MCC: variants seen among roughly 807,000 people sequenced by gnomAD.
The protein encoded by MCC is MCC regulator of Wnt signaling pathway, also known as colorectal mutant cancer protein.
In MCC, 90 loss-of-function variants were observed where a neutral mutation model predicts 116.2. That is an observed-to-expected ratio of 0.77 (90% CI 0.65 to 0.92). The LOEUF is 0.92. Among genes scored for constraint, MCC ranks in the 40% least tolerant of loss-of-function variants. MCC has a pLI of 0.00. For synonymous variants in MCC, 578 were observed against 510.5 expected (o/e 1.13, Z -1.78); for missense variants, 1,516 against 1,312.2 (o/e 1.16, Z -2.40).
intron 3 of MCC, among the ~76,000 whole-genome samples, chr5:113,304,266 T>A (rs988684173): frequency 2.0e-5 from 3 of 152,188 alleles, no homozygotes; most frequent in Non-Finnish European, 4.4e-5. Flanking sequence ...ATGCAGTAGG[T>A]AATTTGGTTA....
intron 17 of MCC, among the ~76,000 whole-genome samples, chr5:113,034,773 G>T (rs1438129681): frequency 6.6e-6 from 1 of 152,224 alleles, no homozygotes; most frequent in Non-Finnish European, 1.5e-5. Context: ...CCAAGTTGTT[G>T]CATCCAGCGG....
intron 3 of MCC, among the ~76,000 whole-genome samples, chr5:113,269,500 G>C (rs562932319): frequency 2.6e-5 from 4 of 152,280 alleles, no homozygotes; most frequent in Non-Finnish European, 4.4e-5. Flanking sequence ...TTCTAAATCT[G>C]ATTAATGTTA....
intron 3 of MCC, among the ~76,000 whole-genome samples, chr5:113,248,532 G>A (rs1349061009): frequency 6.6e-6 from 1 of 152,094 alleles, no homozygotes; most frequent in African/African-American, 2.4e-5. Flanking sequence ...TCTGGCCCCA[G>A]GCATTTTAGA....
intron 2 of MCC, among the ~76,000 whole-genome samples, chr5:113,373,642 C>T (rs1345923351): frequency 1.3e-5 from 2 of 152,144 alleles, no homozygotes; most frequent in Non-Finnish European, 2.9e-5. Context: ...GACGTGACCT[C>T]TCAAGATAAA....
chr5:113,486,330 G>T (rs1476935170), intron 1 of MCC, among the ~76,000 whole-genome samples: 2 of 152,154 alleles, frequency 1.3e-5, no homozygotes, highest in African/African-American at 4.8e-5. Context: ...GCCCCAGCCA[G>T]TTTCTACTCT....
At chr5:113,289,981 G>A (rs1766420242) in intron 3 of MCC, among the ~76,000 whole-genome samples, 1 of 152,180 alleles carries the variant, frequency 6.6e-6, no homozygotes, top group Admixed American at 6.5e-5. Context: ...AAGGGTGTGT[G>A]AATACTAGGT....
chr5:113,233,405 G>C (rs1422652269), intron 3 of MCC, among the ~76,000 whole-genome samples: 1 of 152,126 alleles, frequency 6.6e-6, no homozygotes, highest in African/African-American at 2.4e-5. Context: ...TAGAATGCAT[G>C]AATTTAAGAA....
Position 113,340,551 on chromosome 5 carries a change from C to G in MCC, c.595G>C (p.Val199Leu). Residue 199 changes from valine to leucine, a missense_variant, in exon 3 of 19, where the codon GTA becomes CTA. Transcript: ENST00000408903. ...LTQSPHIGNS[V>L]GGSYLELANT... ...GCCAGCTCTAGATAGCTTCCTCCTA[C>G]AGAGTTGCCAATGTGCGGGGACTGT... The G allele has an allele frequency of 6.2e-7, 1 of 1,614,132 alleles. No individual in the cohort carries two copies.
At chr5:113,115,703 C>T (rs1757355263) in intron 6 of MCC, among the ~76,000 whole-genome samples, 1 of 151,784 alleles carries the variant, frequency 6.6e-6, no homozygotes, top group South Asian at 2.1e-4. Flanking sequence ...AACTTTTCTG[C>T]CAGAAAAGTT....
chr5:113,286,580 G>C (rs768110704), intron 3 of MCC, among the ~76,000 whole-genome samples: 1 of 152,192 alleles, frequency 6.6e-6, no homozygotes, highest in African/African-American at 2.4e-5. Context: ...CAAGGGATCT[G>C]CTCAAAATAT....
intron 8 of MCC, among the ~76,000 whole-genome samples, chr5:113,091,570 T>C (rs544557108): frequency 6.6e-6 from 1 of 152,112 alleles, no homozygotes; most frequent in Non-Finnish European, 1.5e-5. Flanking sequence ...GAAACAAAAA[T>C]AGACACCAAA....
chr5:113,109,168 A>G (rs761654415), intron 6 of MCC, among the ~76,000 whole-genome samples: 1 of 152,192 alleles, frequency 6.6e-6, no homozygotes, highest in Non-Finnish European at 1.5e-5. Flanking sequence ...TGGTAATTCT[A>G]TGTTTAACAA....
At chr5:113,126,291 G>C (rs76259640) in intron 5 of MCC, among the ~76,000 whole-genome samples, 8,304 of 152,202 alleles carry the variant, frequency 0.055, 502 homozygotes, top group African/African-American at 0.15. Context: ...CAGGCTGGCA[G>C]ACTGGAAGGG....
In MCC at chr5:113,327,561, A is replaced by AT. The variant is rs1554076392; in HGVS notation, c.627+12957_627+12958insA. ...ACTCAGTCTCAAAAAAAAAAAAAAA[A>AT]ATATATATATATATATATATATATA... On this transcript the variant is annotated intron_variant, in intron 3 of 18. Transcript: ENST00000408903. Among the ~76,000 whole-genome samples the AT allele has an allele frequency of 7.1e-3, 571 of 80,450 alleles. 5 individuals carry two copies. The highest frequency in any genetic ancestry group is 0.03 in the East Asian group (104 of 3,462). The allele number at this position is 80,450 out of a possible 152,430, so 52.8% of individuals were successfully genotyped here. A position where few individuals can be genotyped will look rare whatever the true frequency, so the allele number is the denominator to read the frequency against.
chr5:113,431,091 T>C (rs1312769797), intron 1 of MCC, among the ~76,000 whole-genome samples: 2 of 151,802 alleles, frequency 1.3e-5, no homozygotes, highest in Non-Finnish European at 2.9e-5. Flanking sequence ...GGAAGTGAGA[T>C]TATCTGCTGA....
At chr5:113,133,291 C>T (rs1158475664) in intron 5 of MCC, among the ~76,000 whole-genome samples, 1 of 152,146 alleles carries the variant, frequency 6.6e-6, no homozygotes, top group Non-Finnish European at 1.5e-5. Context: ...ATCCCCCTCT[C>T]CTCCCTACCC....
At chr5:113,112,739 C>T (rs1757171581) in intron 6 of MCC, among the ~76,000 whole-genome samples, 1 of 152,156 alleles carries the variant, frequency 6.6e-6, no homozygotes, top group East Asian at 1.9e-4. Flanking sequence ...TGGGCATGTC[C>T]CAGAGACTTA....
chr5:113,449,336 A>G (rs1157698358), intron 1 of MCC, among the ~76,000 whole-genome samples: 1 of 152,274 alleles, frequency 6.6e-6, no homozygotes. Flanking sequence ...GTCTTCCTGT[A>G]TATATGAAAA....
In MCC at chr5:113,376,574, T is replaced by TACACACACAC. The variant is rs1554079796; in HGVS notation, c.415+8384_415+8393dup. ...TGAATCTCCTAGTTGCCATATTTTA[T>TACACACACAC]ACACACACACACACACACACACACA... On this transcript the variant is annotated intron_variant, in intron 2 of 18. Coordinates refer to ENST00000408903, the MANE Select transcript of MCC (RefSeq NM_001085377.2). Among the ~76,000 whole-genome samples the TACACACACAC allele has an allele frequency of 8.2e-3, 1,203 of 145,850 alleles. 3 individuals are homozygous for TACACACACAC. The highest frequency in any genetic ancestry group is 0.01 in the Non-Finnish European group (677 of 66,678).
Sources: allele counts gnomAD v4.1 joint callset (sites outside exome capture counted in the v4.1 genomes callset), GRCh38; gene constraint gnomAD v4.1.1; transcripts MANE v1.5; gene names NCBI Gene and HGNC (gene_info 2026-07-23, HGNC 2026-07-21).